GMDS: variants seen among roughly 807,000 people sequenced by gnomAD.
GMDS encodes the protein GDP-mannose 4,6 dehydratase.
Under a neutral mutation model 49.9 loss-of-function variants are expected in GMDS, and 20 were observed. That is an observed-to-expected ratio of 0.40 (90% confidence interval 0.28 to 0.58). The LOEUF is 0.58. Ranked by LOEUF, GMDS falls within the 20% of genes least tolerant of loss-of-function variation. The pLI is 0.42. For synonymous variants in GMDS, 177 were observed against 178.6 expected (o/e 0.99, Z 0.07); for missense variants, 362 against 481.4 (o/e 0.75, Z 2.32).
Position 1,816,019 on chromosome 6 carries a change from C to T in GMDS, c.772-73433G>A, listed in dbSNP as rs1315877740. Among the ~76,000 whole-genome samples the T allele has an allele frequency of 2.0e-5, 3 of 152,204 alleles. No homozygotes were observed. In the East Asian group the frequency reaches 5.8e-4, roughly 29 times the overall value. ...GACACACTATGGTTGCTAACATTCC[C>T]GGCTCTCTGCAAGGGGAAGTAAACG... On this transcript the variant is annotated intron_variant, in intron 7 of 10. Transcript: ENST00000380815.
intron 7 of GMDS, among the ~76,000 whole-genome samples, chr6:1,754,992 TCA>T (rs1767886613): frequency 6.6e-6 from 1 of 152,206 alleles, no homozygotes; most frequent in African/African-American, 2.4e-5. Context: ...ATGCCCTCTC[TCA>T]CCACTTCTTT....
At chr6:1,779,264 C>T (rs1198316943) in intron 7 of GMDS, among the ~76,000 whole-genome samples, 1 of 152,162 alleles carries the variant, frequency 6.6e-6, no homozygotes, top group Non-Finnish European at 1.5e-5. Flanking sequence ...AGGCCCAGTT[C>T]TGACCATTCT....
intron 6 of GMDS, among the ~76,000 whole-genome samples, chr6:1,956,987 G>C (rs1763674107): frequency 6.6e-6 from 1 of 151,924 alleles, no homozygotes; most frequent in Non-Finnish European, 1.5e-5. Flanking sequence ...ATTTTTAGTA[G>C]AGACGGGGTT....
chr6:1,778,140 T>C lies in GMDS; in HGVS notation c.772-35554A>G, dbSNP rs536880011. Among the ~76,000 whole-genome samples, 118 of 152,228 alleles carry C rather than the reference T, an allele frequency of 7.8e-4. No homozygotes were observed. Among genetic ancestry groups the C allele is most frequent in the Non-Finnish European group, 1.4e-3 (96 of 68,018 alleles). On this transcript the variant is annotated intron_variant, in intron 7 of 10. Coordinates refer to ENST00000380815, the MANE Select transcript of GMDS (RefSeq NM_001500.4). This position sits in a 1 kb window ranked among gnomAD's most constrained non-coding sequence, Gnocchi z 4.6. Reference sequence around the variant, plus strand: ...AACAGTACTGCATTCCTTAAAGAGCTGAATAAAGGATCGAGTTAGACTGGC... The same window carrying C: ...AACAGTACTGCATTCCTTAAAGAGCCGAATAAAGGATCGAGTTAGACTGGC...
At chr6:1,837,646 A>T (rs1277604373) in intron 7 of GMDS, among the ~76,000 whole-genome samples, 1 of 152,218 alleles carries the variant, frequency 6.6e-6, no homozygotes, top group African/African-American at 2.4e-5. Flanking sequence ...AAGAACTTCG[A>T]CATCTTATAT....
chr6:2,068,199 T>C (rs1263632243), intron 4 of GMDS, among the ~76,000 whole-genome samples: 2 of 152,250 alleles, frequency 1.3e-5, no homozygotes, highest in Admixed American at 6.5e-5. Flanking sequence ...GAAAAGGCCT[T>C]TGACAAAACT....
intron 7 of GMDS, among the ~76,000 whole-genome samples, chr6:1,841,369 C>T (rs758109718): frequency 8.5e-5 from 13 of 152,300 alleles, no homozygotes; most frequent in Non-Finnish European, 1.6e-4. Flanking sequence ...TTGTAAGAAA[C>T]ATGATCCTGG....
intron 7 of GMDS, among the ~76,000 whole-genome samples, chr6:1,838,785 A>C (rs1757032165): frequency 6.6e-6 from 1 of 152,194 alleles, no homozygotes; most frequent in Admixed American, 6.5e-5. Context: ...CCTATAAATC[A>C]CCTAATGCAG....
intron 7 of GMDS, among the ~76,000 whole-genome samples, chr6:1,832,855 G>A (rs1055585291): frequency 6.6e-6 from 1 of 152,190 alleles, no homozygotes; most frequent in Non-Finnish European, 1.5e-5. Context: ...ATGAGCTTCA[G>A]CGGAAAAGTC....
intron 1 of GMDS, among the ~76,000 whole-genome samples, chr6:2,241,933 T>C (rs1401561010): frequency 6.6e-6 from 1 of 152,208 alleles, no homozygotes; most frequent in Non-Finnish European, 1.5e-5. Flanking sequence ...GCAGTGAAGA[T>C]GTGTTCTGCT....
At chr6:1,663,844 C>A (rs2113257568) in intron 9 of GMDS, among the ~76,000 whole-genome samples, 1 of 152,214 alleles carries the variant, frequency 6.6e-6, no homozygotes, top group African/African-American at 2.4e-5. Context: ...TTCTTCATGG[C>A]ACAGATCTCC....
chr6:1,994,101 T>C (rs1350484452), intron 4 of GMDS, among the ~76,000 whole-genome samples: 2 of 152,262 alleles, frequency 1.3e-5, no homozygotes, highest in Non-Finnish European at 2.9e-5. Context: ...TATAAGTTCA[T>C]AGAATAGTTA....
intron 9 of GMDS, among the ~76,000 whole-genome samples, chr6:1,714,467 G>C (rs1339010858): frequency 6.6e-6 from 1 of 151,828 alleles, no homozygotes; most frequent in East Asian, 1.9e-4. Flanking sequence ...ATGCCACCAG[G>C]TTTCCGGAAG....
chr6:1,671,045 G>C (rs1158491403), intron 9 of GMDS, among the ~76,000 whole-genome samples: 1 of 152,168 alleles, frequency 6.6e-6, no homozygotes, highest in Non-Finnish European at 1.5e-5. Context: ...TGCAGCGACT[G>C]TGGGGGCCTT....
intron 9 of GMDS, among the ~76,000 whole-genome samples, chr6:1,668,881 G>C (rs1764320220): frequency 6.6e-6 from 1 of 152,188 alleles, no homozygotes; most frequent in Non-Finnish European, 1.5e-5. Context: ...GGTAATTCTG[G>C]CCAAATCAGA....
At chr6:1,646,394 C>T (rs1226041308) in intron 9 of GMDS, among the ~76,000 whole-genome samples, 1 of 152,142 alleles carries the variant, frequency 6.6e-6, no homozygotes, top group Non-Finnish European at 1.5e-5. Context: ...CAAATAAAAG[C>T]CAAACTCTCA....
At chr6:1,681,773 C>T (rs1305083062) in intron 9 of GMDS, among the ~76,000 whole-genome samples, 1 of 152,234 alleles carries the variant, frequency 6.6e-6, no homozygotes, top group Non-Finnish European at 1.5e-5. Context: ...CAGCTCACTG[C>T]AGTTTTGACC....
intron 3 of GMDS, among the ~76,000 whole-genome samples, chr6:2,117,099 T>C (rs1016611538): frequency 2.0e-5 from 3 of 152,210 alleles, no homozygotes; most frequent in Non-Finnish European, 4.4e-5. Context: ...TGTACAAAGA[T>C]TGTTTAAATT....
At chr6:2,088,798 T>A (rs900248315) in intron 4 of GMDS, among the ~76,000 whole-genome samples, 13 of 152,040 alleles carry the variant, frequency 8.6e-5, no homozygotes, top group Admixed American at 5.9e-4. Flanking sequence ...GAAGCTCAGA[T>A]AAGATGCATA....
Sources: gnomAD v4.1 joint callset for allele counts (sites outside exome capture counted in the v4.1 genomes callset) on GRCh38, gnomAD v4.1.1 for gene constraint, Gnocchi (gnomAD v3.1) non-coding constraint, MANE v1.5 for transcripts, NCBI Gene and HGNC (gene_info 2026-07-23, HGNC 2026-07-21) for gene names.